The following MEMO1 variants were observed in gnomAD, a reference collection of about 807,000 sequenced individuals.
The protein encoded by MEMO1 is mediator of cell motility 1.
A neutral mutation model predicts 45.2 loss-of-function variants in MEMO1; 6 were observed. The observed-to-expected ratio is 0.13, with a 90% CI of 0.07 to 0.26. The LOEUF is 0.26. Ranked by LOEUF, MEMO1 falls within the 10% of genes least tolerant of loss-of-function variation. The pLI is 1.00. For missense variants in MEMO1, 184 were observed against 370.5 expected (o/e 0.50, Z 4.13); for synonymous variants, 78 against 124.3 (o/e 0.63, Z 2.48).
intron 6 of MEMO1, among the ~76,000 whole-genome samples, chr2:31,896,655 G>GA (rs1387660405): frequency 6.6e-6 from 1 of 151,810 alleles, no homozygotes; most frequent in African/African-American, 2.4e-5. Flanking sequence ...ATCTATACAA[G>GA]AAAAAAAGTT....
intron 6 of MEMO1, among the ~76,000 whole-genome samples, chr2:31,894,950 C>T (rs1376185383): frequency 6.6e-6 from 1 of 152,096 alleles, no homozygotes; most frequent in African/African-American, 2.4e-5. Flanking sequence ...TAGGTACAGC[C>T]TTCAACCAAT....
intron 6 of MEMO1, among the ~76,000 whole-genome samples, chr2:31,892,508 T>A (rs1461655956): frequency 6.6e-6 from 1 of 152,196 alleles, no homozygotes; most frequent in East Asian, 1.9e-4. Flanking sequence ...TGCCAAATCC[T>A]TCTGTGATTA....
At chr2:31,937,536 T>C (rs894504202) in intron 3 of MEMO1, among the ~76,000 whole-genome samples, 1 of 152,194 alleles carries the variant, frequency 6.6e-6, no homozygotes, top group African/African-American at 2.4e-5. Context: ...CAGGTATGCT[T>C]CACTATATAC....
At chr2:31,945,051 T>C (rs1023050252) in intron 2 of MEMO1, among the ~76,000 whole-genome samples, 5 of 152,190 alleles carry the variant, frequency 3.3e-5, no homozygotes, top group African/African-American at 1.2e-4. Flanking sequence ...GTGTTTATCA[T>C]TCTATTCTAC....
chr2:31,929,500 T>C (rs373995006), intron 4 of MEMO1, among the ~76,000 whole-genome samples: 3 of 152,236 alleles, frequency 2.0e-5, no homozygotes, highest in Non-Finnish European at 4.4e-5. Context: ...TCTCCAGATA[T>C]GTTAATACCC....
chr2:31,986,041 T>A (rs1021514110), intron 2 of MEMO1, among the ~76,000 whole-genome samples: 6 of 152,174 alleles, frequency 3.9e-5, no homozygotes, highest in Non-Finnish European at 8.8e-5. Flanking sequence ...CAGTTACAGA[T>A]GGAACTCCCT....
chr2:31,975,126 C>T (rs1355251876), intron 2 of MEMO1, among the ~76,000 whole-genome samples: 3 of 151,898 alleles, frequency 2.0e-5, no homozygotes, highest in Non-Finnish European at 4.4e-5. Flanking sequence ...GAGCCAAGAT[C>T]GTGCCACTGC....
intron 8 of MEMO1, among the ~76,000 whole-genome samples, chr2:31,882,354 C>T (rs750807419): frequency 2.9e-4 from 44 of 151,802 alleles, no homozygotes; most frequent in Non-Finnish European, 5.9e-4. Flanking sequence ...AATATGCATG[C>T]TTAAGATCAA....
intron 2 of MEMO1, among the ~76,000 whole-genome samples, chr2:31,960,278 C>T (rs1432609269): frequency 6.6e-6 from 1 of 151,786 alleles, no homozygotes; most frequent in Non-Finnish European, 1.5e-5. Flanking sequence ...GCTAGCACTA[C>T]AGTACTCAAG....
At chr2:31,969,738 C>T (rs7607225) in intron 2 of MEMO1, among the ~76,000 whole-genome samples, 20,686 of 149,490 alleles carry the variant, frequency 0.14, 1,698 homozygotes, top group African/African-American at 0.22. Context: ...GCCTCCCAAG[C>T]ACCTGGGACT....
chr2:31,942,971 C>CA lies in MEMO1; in HGVS notation c.143+330dup, dbSNP rs545839231. The stretch of plus-strand genomic sequence containing the variant: ...TACTCATTTACTAATAATAAACATA[C>CA]AAAAAAGATTTTAAGTAGACTCTTA... On this transcript the variant is annotated intron_variant, in intron 3 of 9. Coordinates refer to ENST00000404530, the MANE Select transcript of MEMO1 (RefSeq NM_001301833.4). Among the ~76,000 whole-genome samples, 413 of 152,262 alleles carry CA rather than the reference C, an allele frequency of 2.7e-3. 1 individual carries two copies. Among genetic ancestry groups the CA allele is most frequent in the Admixed American group, 5.8e-3 (89 of 15,290 alleles).
At chr2:31,887,701 A>G (rs1192374756) in intron 7 of MEMO1, among the ~76,000 whole-genome samples, 1 of 152,184 alleles carries the variant, frequency 6.6e-6, no homozygotes, top group Non-Finnish European at 1.5e-5. Context: ...GCCTTATCTC[A>G]AATCTGCAAA....
At chr2:31,904,113 C>G (rs1210656656) in intron 6 of MEMO1, among the ~76,000 whole-genome samples, 4 of 152,214 alleles carry the variant, frequency 2.6e-5, no homozygotes. Flanking sequence ...TAGCCTGTAA[C>G]TGGGAAAGAG....
intron 2 of MEMO1, among the ~76,000 whole-genome samples, chr2:31,957,694 T>TTAA (rs1667561027): frequency 6.6e-6 from 1 of 152,240 alleles, no homozygotes; most frequent in Admixed American, 6.5e-5. Context: ...AAACACCTTA[T>TTAA]TAATATCTTT....
At chr2:31,988,741 A>C (rs1470744051) in intron 2 of MEMO1, among the ~76,000 whole-genome samples, 1 of 152,184 alleles carries the variant, frequency 6.6e-6, no homozygotes, top group East Asian at 1.9e-4. Context: ...GCCCTTAAGT[A>C]TACAACTTCT....
chr2:31,992,500 T>C (rs1672065219), intron 2 of MEMO1, among the ~76,000 whole-genome samples: 1 of 152,172 alleles, frequency 6.6e-6, no homozygotes, highest in African/African-American at 2.4e-5. Flanking sequence ...AGTGAATTAA[T>C]GGGCGGGGCA....
intron 6 of MEMO1, among the ~76,000 whole-genome samples, chr2:31,897,798 G>A (rs1678101123): frequency 6.6e-6 from 1 of 152,152 alleles, no homozygotes; most frequent in African/African-American, 2.4e-5. Context: ...AATGGTACCA[G>A]CTCCTCTTTG....
chr2:31,992,477 C>T (rs1346228554), intron 2 of MEMO1, among the ~76,000 whole-genome samples: 1 of 152,126 alleles, frequency 6.6e-6, no homozygotes, highest in South Asian at 2.1e-4. Context: ...GGATAAAAGA[C>T]TGAAATGTCA....
chr2:31,983,216 G>A (rs866202553), intron 2 of MEMO1, among the ~76,000 whole-genome samples: 37 of 152,150 alleles, frequency 2.4e-4, no homozygotes, highest in African/African-American at 7.5e-4. Context: ...AGCCAAGATC[G>A]TGCCATTGCA....
Sources: gnomAD v4.1 joint callset for allele counts (sites outside exome capture counted in the v4.1 genomes callset) on GRCh38, gnomAD v4.1.1 for gene constraint, MANE v1.5 for transcripts, NCBI Gene and HGNC (gene_info 2026-07-23, HGNC 2026-07-21) for gene names.